SLC15A1: variants seen among roughly 807,000 people sequenced by gnomAD.
The protein encoded by SLC15A1 is Caco-2 oligopeptide transporter.
SLC15A1 carries 83 observed loss-of-function variants against 92.9 expected under a neutral mutation model. The observed-to-expected ratio is 0.89, with a 90% confidence interval of 0.75 to 1.07. The LOEUF (loss-of-function observed/expected upper bound fraction) is 1.07, where lower values mean the gene tolerates loss of function less well. Among genes scored for constraint, SLC15A1 ranks in the 50% least tolerant of loss-of-function variants. SLC15A1 has a pLI of 0.00. For missense variants in SLC15A1, 857 were observed against 880.1 expected (o/e 0.97, Z 0.33); for synonymous variants, 322 against 318.2 (o/e 1.01, Z -0.13).
chr13:98,694,161 T>G (rs1241679929), intron 18 of SLC15A1, among the ~76,000 whole-genome samples: 1 of 152,218 alleles, frequency 6.6e-6, no homozygotes, highest in Non-Finnish European at 1.5e-5. Flanking sequence ...AAGCATCAAA[T>G]TATGGTCAAT....
chr13:98,733,348 A>G (rs1392000821), intron 1 of SLC15A1, among the ~76,000 whole-genome samples: 1 of 152,230 alleles, frequency 6.6e-6, no homozygotes, highest in East Asian at 1.9e-4. Flanking sequence ...CTACTTACAT[A>G]TAAGTAAGAC....
At chr13:98,742,179 C>T (rs529898313) in intron 1 of SLC15A1, among the ~76,000 whole-genome samples, 8 of 152,306 alleles carry the variant, frequency 5.3e-5, no homozygotes, top group South Asian at 2.1e-4. Context: ...TCTGGTGAGG[C>T]GGTGGGGGAG....
intron 1 of SLC15A1, among the ~76,000 whole-genome samples, chr13:98,749,609 A>G (rs143154576): frequency 2.6e-4 from 39 of 152,244 alleles, no homozygotes; most frequent in African/African-American, 7.5e-4. Context: ...TTCCCAGCAT[A>G]TAAGAAGTTT....
chr13:98,717,783 A>C (rs935195942), intron 8 of SLC15A1, among the ~76,000 whole-genome samples: 5 of 152,212 alleles, frequency 3.3e-5, no homozygotes, highest in African/African-American at 1.2e-4. Context: ...GAAAACAAAA[A>C]TTGGAGAGAG....
chr13:98,748,582 G>A (rs750322467), intron 1 of SLC15A1, among the ~76,000 whole-genome samples: 11 of 152,094 alleles, frequency 7.2e-5, no homozygotes, highest in Non-Finnish European at 1.6e-4. Flanking sequence ...GGCGTAAGCC[G>A]CAGTGCCCAG....
intron 9 of SLC15A1, 147 bp downstream of exon 9, chr13:98,715,731 A>G (rs1332414610): frequency 6.0e-5 from 38 of 636,294 alleles, no homozygotes; most frequent in Non-Finnish European, 9.6e-5. Context: ...GTCTTTTTGC[A>G]TTTAGAAGAA....
chr13:98,712,206 C>T (rs2088169534), intron 10 of SLC15A1, among the ~76,000 whole-genome samples: 1 of 152,116 alleles, frequency 6.6e-6, no homozygotes, highest in Admixed American at 6.5e-5. Context: ...CCGCCGTCAC[C>T]ACCTCTTGAC....
rs749959739 is a variant in SLC15A1, at chr13:98,688,324, G to T, written c.1607C>A (p.Pro536Gln). The change falls in exon 20 of 23, where the codon CCG becomes CAG. Residue 536 changes from proline (P) to glutamine (Q), a missense_variant. Pro to Gln is a moderately conservative substitution (Grantham distance 76). Coordinates refer to ENST00000376503, the MANE Select transcript of SLC15A1 (RefSeq NM_005073.4). Reference sequence around the variant, plus strand: ...ATTGAAATTAGGTTGACATTGTGGCGGAATCTCTGTTGAGCTTATTGTGAA... The same window carrying T: ...ATTGAAATTAGGTTGACATTGTGGCTGAATCTCTGTTGAGCTTATTGTGAA... ...KGFTISSTEI[P>Q]PQCQPNFNTF... 6.2e-7 allele frequency: 1 copy of T among 1,613,932 alleles called. No individual in the cohort carries two copies. Among genetic ancestry groups the T allele is most frequent in the Admixed American group, 1.7e-5 (1 of 60,006 alleles).
At chr13:98,716,666 G>A (rs1192314299) in intron 8 of SLC15A1, among the ~76,000 whole-genome samples, 1 of 152,088 alleles carries the variant, frequency 6.6e-6, no homozygotes, top group Non-Finnish European at 1.5e-5. Context: ...TCTTCTGAAT[G>A]CAATGGGAAG....
At chr13:98,726,504 C>T (rs1424334555) in intron 2 of SLC15A1, 55 bp from the exon 3 acceptor site, 4 of 1,515,252 alleles carry the variant, frequency 2.6e-6, no homozygotes, top group African/African-American at 1.4e-5. Flanking sequence ...TGGTCCATAG[C>T]CACAAAGGAG....
At position 98,721,561 on chromosome 13, in the gene SLC15A1, A is replaced by G. The variant is rs1343028459; in HGVS notation, c.490T>C (p.Ser164Pro). The G allele has an allele frequency of 6.2e-7, 1 of 1,605,102 alleles. No individual in the cohort carries two copies. Among genetic ancestry groups the G allele is most frequent in the Non-Finnish European group, 8.5e-7 (1 of 1,175,328 alleles). The change falls in exon 7 of 23, where the codon TCC becomes CCC. Residue 164 changes from serine to proline, a missense_variant. Coordinates refer to ENST00000376503, the MANE Select transcript of SLC15A1 (RefSeq NM_005073.4). ...GCATTAATAGCCAAGTAAAAGATGG[A>G]AAAAAATCTGTTTCTTTGTTTCTCC... The part of the protein sequence containing the change: ...GQEKQRNRFF[S>P]IFYLAINAGS...
intron 1 of SLC15A1, among the ~76,000 whole-genome samples, chr13:98,729,219 A>G (rs1265439112): frequency 6.6e-6 from 1 of 151,970 alleles, no homozygotes; most frequent in Non-Finnish European, 1.5e-5. Context: ...CCTCTATTAA[A>G]AATCATATGT....
intron 22 of SLC15A1, among the ~76,000 whole-genome samples, 189 bp from the exon 23 acceptor site, chr13:98,685,104 T>C (rs929270674): frequency 3.3e-5 from 5 of 152,196 alleles, no homozygotes; most frequent in Admixed American, 2.0e-4. Context: ...CCAAGATAGA[T>C]AGATGCTAAT....
intron 1 of SLC15A1, among the ~76,000 whole-genome samples, chr13:98,728,022 G>C (rs1382830847): frequency 6.6e-6 from 1 of 152,184 alleles, no homozygotes; most frequent in African/African-American, 2.4e-5. Context: ...ATGGACACTT[G>C]AGCTTGCATT....
chr13:98,706,474 C>T (rs376248318), intron 15 of SLC15A1, among the ~76,000 whole-genome samples: 1 of 152,116 alleles, frequency 6.6e-6, no homozygotes, highest in African/African-American at 2.4e-5. Context: ...GGGTCCCCAC[C>T]CAAATCTCAT....
In SLC15A1 at chr13:98,688,578, C is replaced by G. The variant is rs145763186; in HGVS notation, c.1467-1G>C. ...GAGCTCGTTAAAAGTATTTACAAAT[C>G]TGAAACAGAAAACCATCTGTCTTGT... On this transcript the variant is annotated splice_acceptor_variant, in intron 18 of 22. Coordinates refer to ENST00000376503, the MANE Select transcript of SLC15A1 (RefSeq NM_005073.4). LOFTEE classifies it high-confidence loss of function. 6.2e-7 allele frequency: 1 copy of G among 1,608,484 alleles called. No individual in the cohort carries two copies. Among genetic ancestry groups the G allele is most frequent in the Admixed American group, 1.7e-5 (1 of 59,980 alleles).
intron 18 of SLC15A1, among the ~76,000 whole-genome samples, chr13:98,689,340 G>T (rs1222120381): frequency 1.3e-5 from 2 of 152,188 alleles, no homozygotes; most frequent in Non-Finnish European, 2.9e-5. Flanking sequence ...TCTTTAGGGG[G>T]TTGAGGAGGA....
At chr13:98,712,638 G>A (rs185643204) in intron 9 of SLC15A1, 54 bp from the exon 10 acceptor site, 13 of 1,317,538 alleles carry the variant, frequency 9.9e-6, no homozygotes, top group African/African-American at 7.3e-5. Context: ...ACTTTGTCAG[G>A]GAAGCACATT....
intron 1 of SLC15A1, among the ~76,000 whole-genome samples, chr13:98,735,761 A>C (rs2088388352): frequency 6.6e-6 from 1 of 152,232 alleles, no homozygotes; most frequent in Admixed American, 6.5e-5. Flanking sequence ...AGAGAATAAA[A>C]TACCTAGGAA....
Sources: gnomAD v4.1 joint callset for allele counts (sites outside exome capture counted in the v4.1 genomes callset) on GRCh38, gnomAD v4.1.1 for gene constraint, MANE v1.5 for transcripts, NCBI Gene and HGNC (gene_info 2026-07-23, HGNC 2026-07-21) for gene names.